The following TRHDE variants were observed in gnomAD, a reference collection of about 807,000 sequenced individuals.
TRHDE encodes the protein thyrotropin releasing hormone degrading enzyme, also known as thyrotropin-releasing hormone-degrading ectoenzyme.
A neutral mutation model predicts 125.7 loss-of-function variants in TRHDE; 72 were observed. The observed-to-expected ratio is 0.57, with a 90% CI of 0.47 to 0.70. The LOEUF is 0.70. Ranked by LOEUF, TRHDE falls within the 30% of genes least tolerant of loss-of-function variation. The pLI, the probability that TRHDE is intolerant of heterozygous loss-of-function variation, is 0.00. For missense variants in TRHDE, 1,110 were observed against 1,327.1 expected, an observed-to-expected ratio of 0.84 and a Z score of 2.54; for synonymous variants, 509 against 509.1, an observed-to-expected ratio of 1.00 and a Z score of 0.00.
intron 2 of TRHDE, among the ~76,000 whole-genome samples, chr12:72,362,968 A>C (rs1005973335): frequency 6.8e-4 from 104 of 151,888 alleles, no homozygotes; most frequent in Admixed American, 1.4e-3. Context: ...GTTACTGTAG[A>C]CTTGTAGTAT....
chr12:72,343,045 G>T (rs1279686488), intron 2 of TRHDE, among the ~76,000 whole-genome samples: 1 of 152,094 alleles, frequency 6.6e-6, no homozygotes, highest in East Asian at 1.9e-4. Context: ...CTTGCACAAG[G>T]CTACATAACT....
chr12:72,114,672 T>C (rs899631986), intron 2 of TRHDE, among the ~76,000 whole-genome samples: 1 of 152,034 alleles, frequency 6.6e-6, no homozygotes, highest in African/African-American at 2.4e-5. Context: ...CAGGGGTGTT[T>C]AAGGGTCAAC....
chr12:72,598,779 T>A (rs1406357825), intron 12 of TRHDE, among the ~76,000 whole-genome samples: 2 of 152,120 alleles, frequency 1.3e-5, no homozygotes, highest in Admixed American at 1.3e-4. Context: ...TTTTGTTAAA[T>A]GAGTATGTTG....
At chr12:72,483,904 T>A (rs1476132882) in intron 5 of TRHDE, among the ~76,000 whole-genome samples, 1 of 152,036 alleles carries the variant, frequency 6.6e-6, no homozygotes, top group Non-Finnish European at 1.5e-5. Flanking sequence ...AATCTATTGA[T>A]CAATTAATAA....
intron 6 of TRHDE, among the ~76,000 whole-genome samples, chr12:72,536,194 T>G (rs2135981154): frequency 6.6e-6 from 1 of 152,286 alleles, no homozygotes; most frequent in South Asian, 2.1e-4. Flanking sequence ...GTGCTACTTG[T>G]TAACTAGAGT....
intron 2 of TRHDE, among the ~76,000 whole-genome samples, chr12:72,348,771 G>A (rs1284168654): frequency 6.6e-6 from 1 of 151,890 alleles, no homozygotes; most frequent in African/African-American, 2.4e-5. Flanking sequence ...GAAATATGTT[G>A]GTACTTTGAT....
intron 2 of TRHDE, among the ~76,000 whole-genome samples, chr12:72,135,050 G>GAAAAAAA (rs1875950351): frequency 6.6e-6 from 1 of 151,686 alleles, no homozygotes; most frequent in Non-Finnish European, 1.5e-5. Flanking sequence ...AAAGAAAAAA[G>GAAAAAAA]AAAAGACAAG....
chr12:72,386,419 C>T (rs1380143571), intron 3 of TRHDE, among the ~76,000 whole-genome samples: 1 of 152,148 alleles, frequency 6.6e-6, no homozygotes, highest in Non-Finnish European at 1.5e-5. Flanking sequence ...GTAATAGATA[C>T]TTCCTCCTTT....
intron 3 of TRHDE, among the ~76,000 whole-genome samples, chr12:72,448,298 C>A (rs577743891): frequency 1.3e-5 from 2 of 151,964 alleles, no homozygotes; most frequent in South Asian, 2.1e-4. Flanking sequence ...CAGTGCCTTG[C>A]GTAAGAGGTG....
intron 6 of TRHDE, among the ~76,000 whole-genome samples, chr12:72,515,286 C>A (rs1377906253): frequency 1.9e-4 from 26 of 139,638 alleles, no homozygotes; most frequent in African/African-American, 7.4e-4. Context: ...TCTCCACATC[C>A]TCTCCAGCAC....
At chr12:72,435,622 A>G (rs1874704990) in intron 3 of TRHDE, among the ~76,000 whole-genome samples, 1 of 151,376 alleles carries the variant, frequency 6.6e-6, no homozygotes, top group South Asian at 2.1e-4. Context: ...CTTGAATGAA[A>G]ATAGATCCCA....
intron 2 of TRHDE, among the ~76,000 whole-genome samples, chr12:72,136,190 A>C (rs1875981763): frequency 6.6e-6 from 1 of 152,226 alleles, no homozygotes; most frequent in Non-Finnish European, 1.5e-5. Flanking sequence ...CTATATGAAC[A>C]TCTGCAAAAT....
At chr12:72,476,479 AG>A (rs1195854961) in intron 5 of TRHDE, among the ~76,000 whole-genome samples, 3 of 152,196 alleles carry the variant, frequency 2.0e-5, no homozygotes, top group African/African-American at 7.2e-5. Context: ...AATACTCAAA[AG>A]GACAAGAGTA....
chr12:72,221,580 C>T (rs969550514), intron 2 of TRHDE, among the ~76,000 whole-genome samples: 2 of 151,892 alleles, frequency 1.3e-5, no homozygotes, highest in African/African-American at 4.8e-5. Flanking sequence ...AGGTGCAGAA[C>T]TAGGGAGAGA....
chr12:72,532,152 T>C (rs1868588689), intron 6 of TRHDE, among the ~76,000 whole-genome samples: 1 of 151,958 alleles, frequency 6.6e-6, no homozygotes, highest in Non-Finnish European at 1.5e-5. Context: ...ATTTTGAAAT[T>C]TTTCTTGTTT....
At chr12:72,313,430 T>G (rs2135702054) in intron 2 of TRHDE, among the ~76,000 whole-genome samples, 1 of 152,238 alleles carries the variant, frequency 6.6e-6, no homozygotes, top group Non-Finnish European at 1.5e-5. Flanking sequence ...TTTAAAAGCG[T>G]TCTGTTATGC....
At chr12:72,146,311 C>T (rs1876226020) in intron 2 of TRHDE, among the ~76,000 whole-genome samples, 1 of 152,234 alleles carries the variant, frequency 6.6e-6, no homozygotes, top group South Asian at 2.1e-4. Context: ...AAACTCTCTT[C>T]TCTAGCTAGT....
intron 15 of TRHDE, among the ~76,000 whole-genome samples, chr12:72,628,520 T>C (rs906367685): frequency 3.9e-5 from 6 of 151,906 alleles, no homozygotes; most frequent in African/African-American, 1.4e-4. Flanking sequence ...TGCAAGCTAA[T>C]TTTTAATTTA....
intron 10 of TRHDE, among the ~76,000 whole-genome samples, chr12:72,572,479 T>C (rs777240221): frequency 1.3e-5 from 2 of 152,098 alleles, no homozygotes; most frequent in Non-Finnish European, 2.9e-5. Flanking sequence ...TTGGAAAAGA[T>C]CTCTTTAAAA....
Sources: allele counts gnomAD v4.1 joint callset (sites outside exome capture counted in the v4.1 genomes callset), GRCh38; gene constraint gnomAD v4.1.1; transcripts MANE v1.5; gene names NCBI Gene and HGNC (gene_info 2026-07-23, HGNC 2026-07-21).